Variants in CNTNAP5 observed in about 807,000 individuals in gnomAD.
CNTNAP5 encodes the protein contactin associated protein family member 5.
In CNTNAP5, 72 loss-of-function variants were observed where a neutral mutation model predicts 150.2. The ratio of observed to expected loss-of-function variants is 0.48; its 90% CI spans 0.40 to 0.58. CNTNAP5 has a LOEUF of 0.58. Ranked by LOEUF, CNTNAP5 falls within the 20% of genes least tolerant of loss-of-function variation. The pLI, the probability that CNTNAP5 is intolerant of heterozygous loss-of-function variation, is 0.00. For synonymous variants in CNTNAP5, 672 were observed against 619.8 expected (o/e 1.08, Z -1.25); for missense variants, 1,636 against 1,626.2 (o/e 1.01, Z -0.10).
chr2:124,610,776 C>T (rs1037247055), intron 12 of CNTNAP5, among the ~76,000 whole-genome samples: 14 of 152,016 alleles, frequency 9.2e-5, no homozygotes, highest in African/African-American at 2.2e-4. Context: ...CTGGCCAACA[C>T]GGTGAAACCC....
intron 11 of CNTNAP5, among the ~76,000 whole-genome samples, chr2:124,588,187 TC>T (rs1475370060): frequency 2.1e-5 from 2 of 97,436 alleles, no homozygotes; most frequent in Non-Finnish European, 4.8e-5. Context: ...CTTCTTTCTT[TC>T]TTTCTTTCTT....
chr2:124,516,204 G>A (rs1275479325), intron 8 of CNTNAP5, among the ~76,000 whole-genome samples: 2 of 152,104 alleles, frequency 1.3e-5, no homozygotes, highest in African/African-American at 4.8e-5. Flanking sequence ...GTAGCATAAT[G>A]GTACTAGTAA....
intron 11 of CNTNAP5, among the ~76,000 whole-genome samples, chr2:124,603,935 C>G (rs2104977110): frequency 6.6e-6 from 1 of 152,270 alleles, no homozygotes; most frequent in South Asian, 2.1e-4. Context: ...AAACTAACTC[C>G]TGGGCTGTTT....
intron 1 of CNTNAP5, among the ~76,000 whole-genome samples, chr2:124,093,476 T>C (rs1455703495): frequency 2.0e-5 from 3 of 152,254 alleles, no homozygotes; most frequent in African/African-American, 7.2e-5. Flanking sequence ...TGATTTGCTA[T>C]TAGATGAATG....
At chr2:124,773,951 A>T (rs540682918) in intron 17 of CNTNAP5, among the ~76,000 whole-genome samples, 1,569 of 144,342 alleles carry the variant, frequency 0.011, 23 homozygotes, top group African/African-American at 0.042. Flanking sequence ...TGTGTGTGAG[A>T]GAGAGAGAGA....
intron 19 of CNTNAP5, among the ~76,000 whole-genome samples, chr2:124,831,267 C>A (rs1682711246): frequency 6.6e-6 from 1 of 151,790 alleles, no homozygotes; most frequent in Non-Finnish European, 1.5e-5. Context: ...TTTTAAATAA[C>A]CGCTCATTTT....
intron 6 of CNTNAP5, among the ~76,000 whole-genome samples, chr2:124,463,238 G>A (rs1693295064): frequency 1.3e-5 from 2 of 152,146 alleles, no homozygotes; most frequent in Non-Finnish European, 2.9e-5. Context: ...ATTGGCCAAA[G>A]AATCTAATGT....
chr2:124,345,802 C>T (rs1689724224), intron 3 of CNTNAP5, among the ~76,000 whole-genome samples: 2 of 152,100 alleles, frequency 1.3e-5, no homozygotes, highest in East Asian at 1.9e-4. Flanking sequence ...TTATCCGTTC[C>T]TCTATTATTC....
At chr2:124,540,929 C>T (rs1409495555) in intron 10 of CNTNAP5, among the ~76,000 whole-genome samples, 1 of 152,094 alleles carries the variant, frequency 6.6e-6, no homozygotes, top group African/African-American at 2.4e-5. Context: ...GAGAGGAAGG[C>T]CACTTTATAC....
At chr2:124,650,973 T>C (rs1678308692) in intron 13 of CNTNAP5, among the ~76,000 whole-genome samples, 1 of 152,184 alleles carries the variant, frequency 6.6e-6, no homozygotes. Flanking sequence ...GCAGCGAGTA[T>C]GCATATTTTT....
chr2:124,623,711 C>A (rs1677664556), intron 12 of CNTNAP5, among the ~76,000 whole-genome samples: 1 of 152,174 alleles, frequency 6.6e-6, no homozygotes, highest in Non-Finnish European at 1.5e-5. Context: ...GAAACACATC[C>A]ACTGTCTTTA....
chr2:124,653,836 A>G (rs772045497), intron 13 of CNTNAP5, among the ~76,000 whole-genome samples: 2 of 152,088 alleles, frequency 1.3e-5, no homozygotes, highest in Non-Finnish European at 2.9e-5. Context: ...GAGTGAAAAT[A>G]AAACACTGAA....
intron 3 of CNTNAP5, among the ~76,000 whole-genome samples, chr2:124,261,597 G>C (rs1267551292): frequency 6.6e-6 from 1 of 152,172 alleles, no homozygotes; most frequent in African/African-American, 2.4e-5. Context: ...CCAGCGTCCA[G>C]GTGGGTGGCA....
intron 22 of CNTNAP5, among the ~76,000 whole-genome samples, chr2:124,908,893 C>T (rs1678596180): frequency 6.6e-6 from 1 of 151,578 alleles, no homozygotes; most frequent in Non-Finnish European, 1.5e-5. Context: ...AATCTTCTAG[C>T]AAAAGGATAT....
intron 1 of CNTNAP5, among the ~76,000 whole-genome samples, chr2:124,193,979 C>T (rs549680578): frequency 6.6e-6 from 1 of 152,052 alleles, no homozygotes; most frequent in Non-Finnish European, 1.5e-5. Context: ...TGCTGTCCAC[C>T]AGCTCCAGGT....
intron 6 of CNTNAP5, among the ~76,000 whole-genome samples, chr2:124,458,154 G>T (rs1379029566): frequency 3.0e-5 from 3 of 98,810 alleles, no homozygotes; most frequent in Non-Finnish European, 6.5e-5. Flanking sequence ...CAAAAACATG[G>T]AACCAACTCA....
chr2:124,527,184 G>A (rs998885907), intron 9 of CNTNAP5, 101 bp from the exon 10 acceptor site: 10 of 936,306 alleles, frequency 1.1e-5, no homozygotes, highest in Non-Finnish European at 1.5e-5. Flanking sequence ...GAATGAGAAA[G>A]CACCAAACTA....
chr2:124,683,010 T>C (rs556985755), intron 13 of CNTNAP5, among the ~76,000 whole-genome samples: 1 of 152,356 alleles, frequency 6.6e-6, no homozygotes, highest in African/African-American at 2.4e-5. Context: ...TAGGTTTGTG[T>C]TGTTGCAGTT....
At chr2:124,156,599 G>A (rs747142356) in intron 1 of CNTNAP5, among the ~76,000 whole-genome samples, 1 of 152,102 alleles carries the variant, frequency 6.6e-6, no homozygotes, top group Non-Finnish European at 1.5e-5. Context: ...AGGTTCACGC[G>A]ATTCTCCTGT....
Sources: gnomAD v4.1 joint callset for allele counts (sites outside exome capture counted in the v4.1 genomes callset) on GRCh38, gnomAD v4.1.1 for gene constraint, MANE v1.5 for transcripts, NCBI Gene and HGNC (gene_info 2026-07-23, HGNC 2026-07-21) for gene names.